Variants in ARRDC2 observed in about 807,000 individuals in gnomAD.
ARRDC2 encodes the protein arrestin domain containing 2.
Under a neutral mutation model 38.9 loss-of-function variants are expected in ARRDC2, and 39 were observed. The ratio of observed to expected loss-of-function variants is 1.00; its 90% CI spans 0.78 to 1.31. ARRDC2 has a LOEUF of 1.31. Ranked by LOEUF, ARRDC2 falls within the 50% of genes most tolerant of loss-of-function variation. The pLI is 0.00. For missense variants in ARRDC2, 553 were observed against 588.4 expected (o/e 0.94, Z 0.62); for synonymous variants, 300 against 261.9 (o/e 1.15, Z -1.41).
At chr19:18,005,626 C>T (rs1347757545), upstream of ARRDC2, among the ~76,000 whole-genome samples, 1 of 148,714 alleles carries the variant, frequency 6.7e-6, no homozygotes, top group Non-Finnish European at 1.5e-5. Flanking sequence ...GGGGGCTGAC[C>T]CCCCGACCTC....
intron 7 of ARRDC2, 114 bp downstream of exon 7, chr19:18,010,843 C>CT (rs1314176156): frequency 8.7e-7 from 1 of 1,154,102 alleles, no homozygotes; most frequent in Non-Finnish European, 1.2e-6. Flanking sequence ...TAGACAGGGT[C>CT]TTGCTCTGTC....
In ARRDC2 at chr19:18,009,899, C is replaced by CGGGCAGTGGT. The variant is rs1568467865; in HGVS notation, c.712_721dup (p.Ala241GlyfsTer100). On this transcript the variant is annotated frameshift_variant, in exon 5 of 8. Transcript: ENST00000222250. LOFTEE classifies it high-confidence loss of function. ...GGCCCGAGGCGCCCGAAAGCAGAAA[C>CGGGCAGTGGT]GGGCAGTGGTGGCCAGCCTCGCGGG... 1.9e-6 allele frequency: 3 copies of CGGGCAGTGGT among 1,609,758 alleles called. No homozygotes were observed. The highest frequency in any genetic ancestry group is 2.2e-5 in the East Asian group (1 of 44,856).
intron 5 of ARRDC2, 77 bp from the exon 6 acceptor site, chr19:18,010,117 TCA>T: frequency 1.2e-6 from 2 of 1,604,336 alleles, no homozygotes; most frequent in Non-Finnish European, 1.7e-6. Context: ...AGCTGAGGCC[TCA>T]GTCTCCCCAG....
intron 3 of ARRDC2, chr19:18,009,324 G>A: frequency 1.5e-6 from 1 of 658,998 alleles, no homozygotes; most frequent in South Asian, 1.9e-5. Flanking sequence ...CCCTCTCTGA[G>A]CCTCAGATGC....
At chr19:18,004,038 G>T (rs902446086), upstream of ARRDC2, among the ~76,000 whole-genome samples, 1 of 150,988 alleles carries the variant, frequency 6.6e-6, no homozygotes. Flanking sequence ...CTTCCAAAAT[G>T]CTTGGCTTAC....
intron 7 of ARRDC2, among the ~76,000 whole-genome samples, chr19:18,011,961 T>TACA (rs1568468887): frequency 5.9e-5 from 8 of 136,736 alleles, no homozygotes; most frequent in African/African-American, 2.2e-4. Context: ...TATTTTTTTT[T>TACA]TTTTTTTTTT....
At position 18,001,575 on chromosome 19, in the gene ARRDC2, T is replaced by A; in HGVS notation, c.259+2T>A. On this transcript the variant is annotated splice_donor_variant, in intron 1 of 7. Transcript: ENST00000379656. LOFTEE classifies it high-confidence loss of function. ...GGCGTCGGCAGCTGCTGCTCCGAGG[T>A]GAGACACTCGTCGCGCCGCCCCCGC... is the stretch of plus-strand genomic sequence containing the variant. The A allele has an allele frequency of 7.5e-7, 1 of 1,325,884 alleles. No homozygotes were observed. 82.1% of individuals were successfully genotyped at this position (1,325,884 alleles called of 1,614,324 possible).
At chr19:18,005,037 A>G (rs1394539525), upstream of ARRDC2, among the ~76,000 whole-genome samples, 1 of 151,208 alleles carries the variant, frequency 6.6e-6, no homozygotes, top group Non-Finnish European at 1.5e-5. Context: ...TTAATTGATC[A>G]TTCTTGGGTG....
At chr19:18,006,739 C>G (rs2033287700), upstream of ARRDC2, among the ~76,000 whole-genome samples, 1 of 152,170 alleles carries the variant, frequency 6.6e-6, no homozygotes, top group Non-Finnish European at 1.5e-5. Context: ...GCTGTGTGAC[C>G]TCGGGCAGAG....
At chr19:18,009,254 T>G in intron 3 of ARRDC2, 136 bp downstream of exon 3, 7 of 1,052,654 alleles carry the variant, frequency 6.6e-6, no homozygotes, top group Non-Finnish European at 9.6e-6. Flanking sequence ...TGGGAATGCG[T>G]GTGGAATCCA....
At chr19:18,006,515 A>C (rs561214531), upstream of ARRDC2, among the ~76,000 whole-genome samples, 26 of 152,324 alleles carry the variant, frequency 1.7e-4, no homozygotes, top group African/African-American at 6.0e-4. Flanking sequence ...GGCACTCGGC[A>C]GGCTGAGACA....
chr19:18,008,121 A>ACCCCCCCCCCCCCCCCCCC, upstream of ARRDC2: 2 of 364,080 alleles, frequency 5.5e-6, no homozygotes, highest in South Asian at 2.8e-5. Context: ...CGGTGACCCC[A>ACCCCCCCCCCCCCCCCCCC]CCCCCCCCCG....
upstream of ARRDC2, among the ~76,000 whole-genome samples, chr19:18,005,792 G>C (rs1362341416): frequency 6.6e-6 from 1 of 152,024 alleles, no homozygotes; most frequent in African/African-American, 2.4e-5. Flanking sequence ...CTCCTGGACG[G>C]GGTGGCTGCC....
upstream of ARRDC2, among the ~76,000 whole-genome samples, chr19:18,004,490 G>C (rs1421835554): frequency 6.7e-6 from 1 of 149,170 alleles, no homozygotes; most frequent in Admixed American, 6.7e-5. Context: ...CAGGTGATCC[G>C]CCTGCCTCGG....
intron 7 of ARRDC2, among the ~76,000 whole-genome samples, chr19:18,012,680 C>A (rs2033437112): frequency 6.6e-6 from 1 of 152,142 alleles, no homozygotes; most frequent in African/African-American, 2.4e-5. Flanking sequence ...ACCTGAGCAT[C>A]TGTGGATTTT....
In ARRDC2 at chr19:18,009,405, A is replaced by G. The variant is rs561436064; in HGVS notation, c.490-187A>G. On this transcript the variant is annotated intron_variant, in intron 3 of 7. Coordinates refer to ENST00000222250, the MANE Select transcript of ARRDC2 (RefSeq NM_015683.2). ...TACACACCAAACACTTGGCTTATAC[A>G]TTTCATTTCTGGCTTTATAAGATGG... The G allele has an allele frequency of 3.1e-5, 20 of 639,990 alleles. No individual in the cohort carries two copies. The African/African-American group carries it at 3.5e-4, about 11-fold the overall frequency. 39.6% of individuals were successfully genotyped at this position (639,990 alleles called of 1,614,324 possible). A position where few individuals can be genotyped will look rare whatever the true frequency, so the allele number is the denominator to read the frequency against.
upstream of ARRDC2, chr19:18,008,121 A>AAAAAAACGCCCCC: frequency 2.7e-6 from 1 of 364,080 alleles, no homozygotes; most frequent in Non-Finnish European, 4.2e-6. Flanking sequence ...CGGTGACCCC[A>AAAAAAACGCCCCC]CCCCCCCCCG....
chr19:18,011,934 G>GTGTGTGTATATA (rs944958651), intron 7 of ARRDC2, among the ~76,000 whole-genome samples: 2 of 68,406 alleles, frequency 2.9e-5, no homozygotes, highest in East Asian at 7.7e-4. Context: ...GTGTATATGT[G>GTGTGTGTATATA]TATATATATA....
At chr19:18,005,927 G>T (rs1383688720), upstream of ARRDC2, among the ~76,000 whole-genome samples, 3 of 150,862 alleles carry the variant, frequency 2.0e-5, no homozygotes, top group Non-Finnish European at 4.4e-5. Context: ...GCCGGGCAGA[G>T]ACGCTCCTCA....
Sources: gnomAD v4.1 joint callset for allele counts (sites outside exome capture counted in the v4.1 genomes callset) on GRCh38, gnomAD v4.1.1 for gene constraint, MANE v1.5 for transcripts, NCBI Gene and HGNC (gene_info 2026-07-23, HGNC 2026-07-21) for gene names.